LIPH: variants seen among roughly 807,000 people sequenced by gnomAD.
LIPH encodes the protein lipase member H.
LIPH carries 32 observed loss-of-function variants against 47.6 expected under a neutral mutation model. The observed-to-expected ratio is 0.67, with a 90% CI of 0.51 to 0.90. LIPH has a LOEUF of 0.90. LIPH is among the 40% of genes least tolerant of loss of function. The pLI is 0.00. For missense variants in LIPH, 497 were observed against 541.4 expected (o/e 0.92, Z 0.81); for synonymous variants, 190 against 195.6 (o/e 0.97, Z 0.24).
chr3:185,518,658 GA>G lies in LIPH; in HGVS notation c.886+483del, dbSNP rs549595739. Among the ~76,000 whole-genome samples the G allele has an allele frequency of 2.0e-3, 300 of 149,964 alleles. 1 individual carries two copies. The highest frequency in any genetic ancestry group is 3.4e-3 in the Non-Finnish European group (230 of 67,374). On this transcript the variant is annotated intron_variant, in intron 6 of 9. Coordinates refer to ENST00000296252, the MANE Select transcript of LIPH (RefSeq NM_139248.3). The stretch of plus-strand genomic sequence containing the variant: ...CAAATTGGCTAGAAAAAGCTGACTA[GA>G]AAAAAAAAGTCTATTTTTAAAATTT...
Position 185,508,818 on chromosome 3 carries a change from G to A in LIPH, c.1328C>T (p.Pro443Leu). The change falls in exon 10 of 10, where the codon CCT (proline) becomes CTT (leucine). Residue 443 changes from proline to leucine, a missense_variant. By Grantham distance (98) the Pro-to-Leu change is moderately conservative. Transcript: ENST00000296252. ...CAACTGCAACTCTGGGCAAAGAATAGGTTGGAAGACTGTTTCAACGTTTTC... is the reference window on the plus strand; with the variant it reads ...CAACTGCAACTCTGGGCAAAGAATAAGTTGGAAGACTGTTTCAACGTTTTC... Reference protein sequence around the residue: ...LMENVETVFQPILCPELQL With the variant: ...LMENVETVFQLILCPELQL 6.2e-7 allele frequency: 1 copy of A among 1,613,912 alleles called. No homozygotes were observed. The highest frequency in any genetic ancestry group is 2.2e-5 in the East Asian group (1 of 44,882).
At chr3:185,535,709 T>C (rs1577682767) in intron 1 of LIPH, among the ~76,000 whole-genome samples, 1 of 152,216 alleles carries the variant, frequency 6.6e-6, no homozygotes, top group South Asian at 2.1e-4. Context: ...TTCAAGTGAT[T>C]CTCATGCCTC....
At chr3:185,540,391 A>C (rs943847484) in intron 1 of LIPH, among the ~76,000 whole-genome samples, 1 of 152,046 alleles carries the variant, frequency 6.6e-6, no homozygotes, top group Non-Finnish European at 1.5e-5. Flanking sequence ...AGCTTGCTTT[A>C]ATTCTTCTGG....
chr3:185,513,448 T>G (rs959968262), intron 8 of LIPH, among the ~76,000 whole-genome samples: 1 of 152,152 alleles, frequency 6.6e-6, no homozygotes. Context: ...GGTGAGGATG[T>G]GGAGAAACTG....
chr3:185,515,329 A>T (rs529059548), intron 7 of LIPH, among the ~76,000 whole-genome samples: 2 of 152,252 alleles, frequency 1.3e-5, no homozygotes, highest in Non-Finnish European at 2.9e-5. Context: ...AGATAAAATT[A>T]AAACACGCTA....
intron 8 of LIPH, among the ~76,000 whole-genome samples, chr3:185,513,935 G>C (rs1395983789): frequency 6.6e-6 from 1 of 152,190 alleles, no homozygotes; most frequent in African/African-American, 2.4e-5. Flanking sequence ...AGCTACTCAG[G>C]AGGCTGAGGC....
At position 185,519,219 on chromosome 3, in the gene LIPH, C is replaced by T. The variant is rs1208678501; in HGVS notation, c.809G>A (p.Cys270Tyr). ...RESCTITAYP[C>Y]DSYQDYRNGK... ...ATTCCTATAATCCTGGTAGGAGTCA[C>T]AGGGATACGCAGTGATGGTGCAGCT... Residue 270 changes from cysteine to tyrosine, a missense_variant, in exon 6 of 10, where the codon TGT becomes TAT. Cys to Tyr is a radical substitution (Grantham distance 194, BLOSUM62 -2). Transcript: ENST00000296252. 1.9e-6 allele frequency: 3 copies of T among 1,612,666 alleles called. No homozygotes were observed. Among genetic ancestry groups the T allele is most frequent in the Non-Finnish European group, 2.5e-6 (3 of 1,178,796 alleles).
intron 8 of LIPH, among the ~76,000 whole-genome samples, chr3:185,513,338 C>CA (rs56090966): frequency 0.019 from 2,066 of 109,728 alleles, 40 homozygotes; most frequent in African/African-American, 0.053. Flanking sequence ...GGCTCTGTCT[C>CA]AAAAAAAAAA....
At chr3:185,519,752 G>A (rs768627962) in intron 5 of LIPH, among the ~76,000 whole-genome samples, 2 of 136,020 alleles carry the variant, frequency 1.5e-5, no homozygotes, top group Non-Finnish European at 3.1e-5. Context: ...AGGGAGAATC[G>A]CTTGAACCTG....
chr3:185,519,454 A>G, intron 5 of LIPH, 145 bp from the exon 6 acceptor site: 1 of 674,756 alleles, frequency 1.5e-6, no homozygotes, highest in South Asian at 1.7e-5. Flanking sequence ...ATAAAATCCC[A>G]TAGATAAGAA....
chr3:185,517,053 C>T lies in LIPH; in HGVS notation c.982+14G>A, dbSNP rs770324628. 6.6e-5 allele frequency: 103 copies of T among 1,563,748 alleles called. No homozygotes were observed. Among genetic ancestry groups the T allele is most frequent in the Non-Finnish European group, 8.6e-5 (97 of 1,134,302 alleles). ...AGAGTTAGGCAAAAGCCAACAACCA[C>T]ATTCACCACTCACTGCAGAATGGGC... On this transcript the variant is annotated intron_variant, in intron 7 of 9. Transcript: ENST00000296252.
intron 5 of LIPH, among the ~76,000 whole-genome samples, chr3:185,523,618 G>A (rs1719973406): frequency 6.6e-6 from 1 of 152,028 alleles, no homozygotes. Flanking sequence ...TGTTGCCCAG[G>A]GTGGTCTTGA....
chr3:185,512,042 C>T (rs1719582997), intron 8 of LIPH, among the ~76,000 whole-genome samples: 1 of 152,258 alleles, frequency 6.6e-6, no homozygotes, highest in African/African-American at 2.4e-5. Flanking sequence ...CTCCCCAGAA[C>T]ATTCCGCAAG....
At position 185,507,578 on chromosome 3, in the gene LIPH, G is replaced by A. The variant is rs1457241885; in HGVS notation, c.*1212C>T. The A allele has an allele frequency of 6.6e-6, 1 of 152,126 alleles. No individual in the cohort carries two copies. Among genetic ancestry groups the A allele is most frequent in the African/African-American group, 2.4e-5 (1 of 41,406 alleles). The allele number at this position is 152,126 out of a possible 1,614,324, so 9.4% of individuals were successfully genotyped here. ...TTGTCCTCCCTTCTTTCTGGCCTTG[G>A]CCTGACAGGACCTCTTGACTGGACT... On this transcript the variant is annotated 3_prime_UTR_variant, in exon 10 of 10. Coordinates refer to ENST00000296252, the MANE Select transcript of LIPH (RefSeq NM_139248.3).
At chr3:185,550,556 C>A (rs1012844599) in intron 1 of LIPH, among the ~76,000 whole-genome samples, 3 of 152,046 alleles carry the variant, frequency 2.0e-5, no homozygotes, top group African/African-American at 7.2e-5. Context: ...ATTTAAGATA[C>A]CTCTACATTT....
At chr3:185,516,345 A>G (rs981585815) in intron 7 of LIPH, among the ~76,000 whole-genome samples, 15 of 152,192 alleles carry the variant, frequency 9.9e-5, no homozygotes, top group African/African-American at 3.6e-4. Context: ...AGGCAGGAGG[A>G]TCGCGTGAAC....
At chr3:185,518,343 G>A (rs1319021359) in intron 6 of LIPH, among the ~76,000 whole-genome samples, 4 of 151,946 alleles carry the variant, frequency 2.6e-5, no homozygotes, top group Non-Finnish European at 5.9e-5. Flanking sequence ...GCAATGGCGC[G>A]GTCTCAGCTC....
chr3:185,514,430 G>C lies in LIPH; in HGVS notation c.1074C>G (p.Thr358=), dbSNP rs1291338282. 6.5e-7 allele frequency: 1 copy of C among 1,538,376 alleles called. No individual in the cohort carries two copies. Among genetic ancestry groups the C allele is most frequent in the Non-Finnish European group, 9.0e-7 (1 of 1,110,860 alleles). ...TIKLRDKAGN[T]TESKINHEPT... The stretch of plus-strand genomic sequence containing the variant: ...CTTACTGATTGATTTTGGATTCTGT[G>C]GTGTTTCCAGCTTTGTCTCTCAATT... Residue 358 remains threonine (T), a synonymous_variant, in exon 8 of 10, where the codon ACC becomes ACG. Transcript: ENST00000296252.
intron 1 of LIPH, among the ~76,000 whole-genome samples, chr3:185,537,100 G>A (rs1284662846): frequency 6.6e-6 from 1 of 152,196 alleles, no homozygotes; most frequent in Admixed American, 6.5e-5. Context: ...GGCCAAGGTG[G>A]TCTTGAACTC....
Sources: gnomAD v4.1 joint callset for allele counts (sites outside exome capture counted in the v4.1 genomes callset) on GRCh38, gnomAD v4.1.1 for gene constraint, MANE v1.5 for transcripts, NCBI Gene and HGNC (gene_info 2026-07-23, HGNC 2026-07-21) for gene names.